ADAM29: variants seen among roughly 807,000 people sequenced by gnomAD.
ADAM29 encodes disintegrin and metalloproteinase domain-containing protein 29.
For missense variants in ADAM29, 969 were observed against 1,001.8 expected (o/e 0.97, Z 0.44); for synonymous variants, 367 against 342.3 (o/e 1.07, Z -0.80).
chr4:174,975,454 T>G lies in ADAM29; in HGVS notation c.-72T>G. ...GCCACACCACCTGTGACTCCAGCCC[T>G]GACTTCTGCTCTGGACCAGTGTTTC... is the stretch of plus-strand genomic sequence containing the variant. On this transcript the variant is annotated 5_prime_UTR_variant, in exon 5 of 5. Coordinates refer to ENST00000359240, the MANE Select transcript of ADAM29 (RefSeq NM_014269.4). The G allele has an allele frequency of 7.0e-7, 1 of 1,434,518 alleles. No homozygotes were observed. Among genetic ancestry groups the G allele is most frequent in the South Asian group, 1.6e-5 (1 of 61,752 alleles). The allele number at this position is 1,434,518 out of a possible 1,614,324, so 88.9% of individuals were successfully genotyped here.
intron 4 of ADAM29, among the ~76,000 whole-genome samples, chr4:174,961,644 A>G (rs1377180648): frequency 1.3e-5 from 2 of 152,302 alleles, no homozygotes; most frequent in South Asian, 4.1e-4. Flanking sequence ...TAAAACAAAC[A>G]TACCTAAGAA....
At chr4:174,943,720 C>T (rs889949297) in intron 4 of ADAM29, among the ~76,000 whole-genome samples, 2 of 151,880 alleles carry the variant, frequency 1.3e-5, no homozygotes, top group African/African-American at 2.4e-5. Flanking sequence ...GACCTTCTTT[C>T]GTCCTGAATT....
chr4:174,926,534 G>A (rs370763639), intron 2 of ADAM29, among the ~76,000 whole-genome samples: 20 of 151,842 alleles, frequency 1.3e-4, no homozygotes, highest in East Asian at 5.8e-4. Flanking sequence ...CAAGCTGACC[G>A]GGGAGGATTG....
At chr4:174,958,220 C>G (rs1175718020) in intron 4 of ADAM29, among the ~76,000 whole-genome samples, 2 of 147,914 alleles carry the variant, frequency 1.4e-5, no homozygotes, top group African/African-American at 5.1e-5. Context: ...GATTTTTTGC[C>G]TGCTCCATGT....
At chr4:174,931,921 T>G (rs1743905382) in intron 3 of ADAM29, among the ~76,000 whole-genome samples, 1 of 152,192 alleles carries the variant, frequency 6.6e-6, no homozygotes, top group Non-Finnish European at 1.5e-5. Flanking sequence ...TTTTTCTCAT[T>G]TGTATTTTAT....
At chr4:174,959,908 C>A (rs1745711936) in intron 4 of ADAM29, among the ~76,000 whole-genome samples, 1 of 151,880 alleles carries the variant, frequency 6.6e-6, no homozygotes, top group Non-Finnish European at 1.5e-5. Flanking sequence ...TTATACATTT[C>A]TTATGAGATT....
intron 2 of ADAM29, among the ~76,000 whole-genome samples, chr4:174,925,290 A>G (rs1743451258): frequency 6.6e-6 from 1 of 152,214 alleles, no homozygotes. Context: ...ATTGTGAAAC[A>G]TGTATTATAT....
intron 4 of ADAM29, among the ~76,000 whole-genome samples, chr4:174,958,643 A>G (rs1035978520): frequency 5.9e-5 from 9 of 151,858 alleles, no homozygotes; most frequent in African/African-American, 2.2e-4. Context: ...GATTACTCAT[A>G]TATTTATGTT....
intron 4 of ADAM29, among the ~76,000 whole-genome samples, chr4:174,966,508 G>T (rs985314179): frequency 1.2e-4 from 19 of 152,216 alleles, no homozygotes; most frequent in African/African-American, 4.6e-4. Flanking sequence ...GAGTAGGATA[G>T]ACATCCTATT....
intron 4 of ADAM29, among the ~76,000 whole-genome samples, chr4:174,939,876 T>A (rs1744426804): frequency 6.6e-6 from 1 of 152,078 alleles, no homozygotes; most frequent in African/African-American, 2.4e-5. Flanking sequence ...ACAAGACTGA[T>A]CACAAGTCAG....
chr4:174,976,995 G>C lies in ADAM29; in HGVS notation c.1470G>C (p.Arg490Ser). ...YVEDGIPCKE[R>S]GYCYEKSCHD... Reference sequence around the variant, plus strand: ...AAGATGGAATTCCCTGTAAGGAGAGGGGCTACTGCTATGAAAAGAGCTGTC... The same window carrying C: ...AAGATGGAATTCCCTGTAAGGAGAGCGGCTACTGCTATGAAAAGAGCTGTC... Residue 490 changes from arginine (R) to serine (S), a missense_variant, in exon 5 of 5, where the codon AGG (arginine) becomes AGC (serine). Transcript: ENST00000359240. The C allele has an allele frequency of 6.2e-7, 1 of 1,614,124 alleles. No homozygotes were observed. Among genetic ancestry groups the C allele is most frequent in the Non-Finnish European group, 8.5e-7 (1 of 1,180,008 alleles).
chr4:174,972,975 C>T (rs1054604704), intron 4 of ADAM29, among the ~76,000 whole-genome samples: 11 of 152,176 alleles, frequency 7.2e-5, no homozygotes, highest in African/African-American at 2.2e-4. Context: ...CAGACCCATT[C>T]GAGCTCTAAA....
chr4:174,933,608 C>G (rs1744035780), intron 3 of ADAM29, among the ~76,000 whole-genome samples: 1 of 152,140 alleles, frequency 6.6e-6, no homozygotes, highest in South Asian at 2.1e-4. Context: ...AGTTATTTCT[C>G]CTAATCCTCT....
Position 174,977,042 on chromosome 4 carries a change from G to A in ADAM29, c.1517G>A (p.Arg506Lys), listed in dbSNP as rs1746865266. ...TGTCATGACCGCAATGAACAGTGTA[G>A]GAGGATTTTTGGTGCAGGCGCAAAT... The part of the protein sequence containing the change: ...KSCHDRNEQC[R>K]RIFGAGANTA... Residue 506 changes from arginine to lysine, a missense_variant, in exon 5 of 5, where the codon AGG becomes AAG. Arg to Lys is a conservative substitution (Grantham distance 26, BLOSUM62 2). Transcript: ENST00000359240. The A allele has an allele frequency of 3.1e-6, 5 of 1,614,058 alleles. No individual in the cohort carries two copies. Among genetic ancestry groups the A allele is most frequent in the Non-Finnish European group, 4.2e-6 (5 of 1,180,044 alleles).
At chr4:174,971,856 C>T (rs978989222) in intron 4 of ADAM29, among the ~76,000 whole-genome samples, 15 of 152,088 alleles carry the variant, frequency 9.9e-5, no homozygotes, top group Non-Finnish European at 1.5e-4. Context: ...TGAAGAGGTC[C>T]TATCAGTTTC....
chr4:174,927,519 G>T (rs952087979), intron 2 of ADAM29, among the ~76,000 whole-genome samples: 2 of 152,082 alleles, frequency 1.3e-5, no homozygotes, highest in Admixed American at 6.5e-5. Context: ...TACATGTTTT[G>T]TTATATTACT....
chr4:174,934,550 C>T (rs1011214063), intron 3 of ADAM29, among the ~76,000 whole-genome samples: 30 of 152,036 alleles, frequency 2.0e-4, no homozygotes, highest in African/African-American at 3.6e-4. Flanking sequence ...CAAATTTTAA[C>T]GCTGATATTG....
At chr4:174,941,279 C>T (rs1744522739) in intron 4 of ADAM29, among the ~76,000 whole-genome samples, 1 of 152,230 alleles carries the variant, frequency 6.6e-6, no homozygotes, top group South Asian at 2.1e-4. Flanking sequence ...GATGCAATCA[C>T]CTGATGTGTC....
At chr4:174,933,798 G>T (rs1261869243) in intron 3 of ADAM29, among the ~76,000 whole-genome samples, 1 of 152,180 alleles carries the variant, frequency 6.6e-6, no homozygotes, top group Non-Finnish European at 1.5e-5. Context: ...TCCTGCAAAA[G>T]ACATTATCTC....
Sources: allele counts gnomAD v4.1 joint callset (sites outside exome capture counted in the v4.1 genomes callset), GRCh38; gene constraint gnomAD v4.1.1; transcripts MANE v1.5; gene names NCBI Gene and HGNC (gene_info 2026-07-23, HGNC 2026-07-21).